The following SI variants were observed in gnomAD, a reference collection of about 807,000 sequenced individuals.
SI encodes sucrase-isomaltase, intestinal.
Under a neutral mutation model 253.3 loss-of-function variants are expected in SI, and 235 were observed. The ratio of observed to expected loss-of-function variants is 0.93; its 90% CI spans 0.83 to 1.03. The LOEUF (loss-of-function observed/expected upper bound fraction) is 1.03, where lower values mean the gene tolerates loss of function less well. SI is among the 50% of genes least tolerant of loss of function. The pLI is 0.00. For synonymous variants in SI, 819 were observed against 712.0 expected (o/e 1.15, Z -2.39); for missense variants, 2,442 against 2,211.1 (o/e 1.10, Z -2.09).
At position 164,996,702 on chromosome 3, in the gene SI, A is replaced by G. The variant is rs2108135639; in HGVS notation, c.4575+36T>C. 6.4e-6 allele frequency: 8 copies of G among 1,259,516 alleles called. No homozygotes were observed. The East Asian group carries it at 2.0e-4, about 31-fold the overall frequency. 78.0% of individuals were successfully genotyped at this position (1,259,516 alleles called of 1,614,324 possible). A position where few individuals can be genotyped will look rare whatever the true frequency, so the allele number is the denominator to read the frequency against. ...AAATTTGAATAGTTTATGAATGTTT[A>G]TAATTTATGAAGATAAAAGGAATAA... On this transcript the variant is annotated intron_variant, in intron 39 of 47. Coordinates refer to ENST00000264382, the MANE Select transcript of SI (RefSeq NM_001041.4).
At chr3:165,054,240 G>A (rs1713575208) in intron 13 of SI, among the ~76,000 whole-genome samples, 1 of 152,062 alleles carries the variant, frequency 6.6e-6, no homozygotes, top group Non-Finnish European at 1.5e-5. Context: ...AGAAAATATA[G>A]TCATCCTTAG....
intron 28 of SI, 99 bp downstream of exon 28, chr3:165,019,503 T>C (rs1302595079): frequency 1.8e-6 from 2 of 1,106,890 alleles, no homozygotes; most frequent in Non-Finnish European, 2.8e-6. Context: ...AATGCCTTTG[T>C]CATTACTTCA....
At chr3:165,062,979 T>C (rs1350072170) in intron 8 of SI, among the ~76,000 whole-genome samples, 2 of 151,906 alleles carry the variant, frequency 1.3e-5, no homozygotes, top group East Asian at 3.8e-4. Flanking sequence ...ATTTCTTTAA[T>C]TTTTTATTAT....
intron 44 of SI, among the ~76,000 whole-genome samples, chr3:164,990,829 C>T (rs750064837): frequency 2.6e-5 from 4 of 151,724 alleles, no homozygotes; most frequent in Admixed American, 1.3e-4. Flanking sequence ...AGCACACCAA[C>T]ATGGCACATG....
At chr3:165,005,903 T>C (rs1718484540) in intron 37 of SI, among the ~76,000 whole-genome samples, 1 of 152,070 alleles carries the variant, frequency 6.6e-6, no homozygotes, top group Non-Finnish European at 1.5e-5. Flanking sequence ...TAAGCTGCTG[T>C]GCCTGGCCAG....
upstream of SI, among the ~76,000 whole-genome samples, chr3:165,083,113 TA>T (rs1042363305): frequency 1.3e-5 from 2 of 151,946 alleles, no homozygotes; most frequent in African/African-American, 4.8e-5. Flanking sequence ...ATGGCCTTGT[TA>T]AAAACATGGT....
chr3:165,032,757 C>T (rs532212950), intron 23 of SI, 65 bp from the exon 24 acceptor site: 12 of 1,116,580 alleles, frequency 1.1e-5, no homozygotes, highest in Middle Eastern at 2.1e-4. Context: ...ATAACAATAC[C>T]GATAAGAAAT....
chr3:165,043,176 C>A lies in SI; in HGVS notation c.1888-1G>T, dbSNP rs764264740. On this transcript the variant is annotated splice_acceptor_variant, in intron 16 of 47. Coordinates refer to ENST00000264382, the MANE Select transcript of SI (RefSeq NM_001041.4). LOFTEE classifies it high-confidence loss of function. Reference sequence around the variant, plus strand: ...CAAATCCACAGATGTCTGCTCCAACCTAAATAACAAATATATTTACTATTT... The same window carrying A: ...CAAATCCACAGATGTCTGCTCCAACATAAATAACAAATATATTTACTATTT... 3.1e-6 allele frequency: 5 copies of A among 1,591,854 alleles called. No individual in the cohort carries two copies. The highest frequency in any genetic ancestry group is 4.3e-6 in the Non-Finnish European group (5 of 1,161,214).
chr3:165,062,450 T>C lies in SI; in HGVS notation c.941A>G (p.Tyr314Cys). Residue 314 changes from tyrosine (Y) to cysteine (C), a missense_variant, in exon 9 of 48, where the codon TAT (tyrosine) becomes TGT (cysteine). Transcript: ENST00000264382. ...IFIQPTPIVTYRVTGGILDFY... is the reference protein window; with the variant it reads ...IFIQPTPIVTCRVTGGILDFY... ...ATCCAGAATGCCACCGGTAACTCTA[T>C]ATGTTACTATTGGAGTAGGCTGGAT... is the stretch of plus-strand genomic sequence containing the variant. 1.2e-6 allele frequency: 2 copies of C among 1,600,734 alleles called. No homozygotes were observed. The highest frequency in any genetic ancestry group is 4.5e-5 in the East Asian group (2 of 44,606).
At position 165,019,717 on chromosome 3, in the gene SI, G is replaced by T; in HGVS notation, c.3308C>A (p.Ser1103Ter). Reference protein sequence around the residue: ...FAFNDQFIQISTRLPSEYIYG... With the variant: ...FAFNDQFIQI The stretch of plus-strand genomic sequence containing the variant: ...TATATATTCTGATGGCAGGCGAGTC[G>T]ATATTTGAATGAACTGGTCATTAAA... The change falls in exon 28 of 48, where the codon TCG becomes TAG. Residue 1103 changes from serine (S) to a stop codon, truncating the protein, a stop_gained. Coordinates refer to ENST00000264382, the MANE Select transcript of SI (RefSeq NM_001041.4). LOFTEE classifies it high-confidence loss of function. 1 of 1,612,440 alleles carries T rather than the reference G, an allele frequency of 6.2e-7. No homozygotes were observed. Among genetic ancestry groups the T allele is most frequent in the Non-Finnish European group, 8.5e-7 (1 of 1,178,908 alleles).
intron 12 of SI, among the ~76,000 whole-genome samples, chr3:165,057,111 G>T (rs2108245047): frequency 6.6e-6 from 1 of 151,886 alleles, no homozygotes; most frequent in African/African-American, 2.4e-5. Context: ...GGAGTTTAGG[G>T]TTCTATCAGA....
chr3:165,083,405 G>T (rs1337224518), upstream of SI, among the ~76,000 whole-genome samples: 1 of 151,674 alleles, frequency 6.6e-6, no homozygotes, highest in Non-Finnish European at 1.5e-5. Context: ...ATGTATTTCT[G>T]TAGGTCAGCT....
intron 44 of SI, among the ~76,000 whole-genome samples, chr3:164,989,601 T>C (rs1717635483): frequency 6.6e-6 from 1 of 151,956 alleles, no homozygotes; most frequent in Admixed American, 6.6e-5. Flanking sequence ...CATTTTCATG[T>C]ACTATAATGA....
chr3:165,069,012 AT>A (rs1714404342), intron 4 of SI, 65 bp downstream of exon 4: 1 of 1,161,902 alleles, frequency 8.6e-7, no homozygotes, highest in African/African-American at 1.5e-5. Context: ...TATTTAAGGT[AT>A]TTTCCACATT....
rs1419057325 is a variant in SI, at chr3:164,987,236, A to G, written c.5109-10T>C. On this transcript the variant is annotated splice_polypyrimidine_tract_variant and intron_variant, in intron 44 of 47. Coordinates refer to ENST00000264382, the MANE Select transcript of SI (RefSeq NM_001041.4). ...CATGTGTTTTTGTCGACTATAAGAAAGAAATATATAATTTTACCCATGTTT... is the reference window on the plus strand; with the variant it reads ...CATGTGTTTTTGTCGACTATAAGAAGGAAATATATAATTTTACCCATGTTT... 1 of 1,606,134 alleles carries G rather than the reference A, an allele frequency of 6.2e-7. No individual in the cohort carries two copies. Among genetic ancestry groups the G allele is most frequent in the Non-Finnish European group, 8.5e-7 (1 of 1,173,064 alleles).
At chr3:165,051,053 A>G (rs1402947369) in intron 13 of SI, among the ~76,000 whole-genome samples, 2 of 152,100 alleles carry the variant, frequency 1.3e-5, no homozygotes, top group Non-Finnish European at 2.9e-5. Flanking sequence ...AACACATGTA[A>G]TGGTGAATCA....
At position 164,991,259 on chromosome 3, in the gene SI, G is replaced by A. The variant is rs548236788; in HGVS notation, c.5108+94C>T. Reference sequence around the variant, plus strand: ...AGGCAGGCTAATGTACTAGCTTGGCGATGGGTTAAAATTTCAAACCCTTTC... The same window carrying A: ...AGGCAGGCTAATGTACTAGCTTGGCAATGGGTTAAAATTTCAAACCCTTTC... On this transcript the variant is annotated intron_variant, in intron 44 of 47. Transcript: ENST00000264382. 1.6e-5 allele frequency: 23 copies of A among 1,400,628 alleles called. No homozygotes were observed. In the African/African-American group the frequency reaches 1.7e-4, roughly 10 times the overall value. The allele number at this position is 1,400,628 out of a possible 1,614,324, so 86.8% of individuals were successfully genotyped here.
chr3:165,067,258 T>G (rs1427821324), intron 6 of SI, 82 bp downstream of exon 6: 1 of 1,072,498 alleles, frequency 9.3e-7, no homozygotes, highest in East Asian at 2.6e-5. Flanking sequence ...AATTTATTTC[T>G]ACTGAAAATG....
chr3:164,985,904 CAACGGTTAGTGAATT>C (rs1717411412), intron 45 of SI, among the ~76,000 whole-genome samples: 1 of 152,032 alleles, frequency 6.6e-6, no homozygotes, highest in Non-Finnish European at 1.5e-5. Context: ...TTTCTGATAA[CAACGGTTAGTGAATT>C]TCACATGGCT....
Sources: gnomAD v4.1 joint callset for allele counts (sites outside exome capture counted in the v4.1 genomes callset) on GRCh38, gnomAD v4.1.1 for gene constraint, MANE v1.5 for transcripts, NCBI Gene and HGNC (gene_info 2026-07-23, HGNC 2026-07-21) for gene names.